SLC36A2: variants seen among roughly 807,000 people sequenced by gnomAD.
The protein encoded by SLC36A2 is proton-coupled amino acid transporter 2.
In SLC36A2, 39 loss-of-function variants were observed where a neutral mutation model predicts 42.7. The observed-to-expected ratio is 0.91, with a 90% CI of 0.71 to 1.19. The LOEUF (loss-of-function observed/expected upper bound fraction) is 1.19, where lower values mean the gene tolerates loss of function less well. SLC36A2 is among the 50% of genes most tolerant of loss of function. The pLI, the probability that SLC36A2 is intolerant of heterozygous loss-of-function variation, is 0.00. For synonymous variants in SLC36A2, 237 were observed against 240.8 expected (o/e 0.98, Z 0.15); for missense variants, 590 against 613.7 (o/e 0.96, Z 0.41).
At chr5:151,334,975 CTT>C (rs1348165043) in intron 6 of SLC36A2, among the ~76,000 whole-genome samples, 1 of 151,852 alleles carries the variant, frequency 6.6e-6, no homozygotes, top group African/African-American at 2.4e-5. Context: ...AACGCAATAA[CTT>C]TTAGCTGTAG....
intron 5 of SLC36A2, among the ~76,000 whole-genome samples, chr5:151,336,452 C>T (rs1270707102): frequency 1.4e-5 from 2 of 147,758 alleles, no homozygotes; most frequent in Non-Finnish European, 3.0e-5. Flanking sequence ...GCTTAAATTC[C>T]CTCAATCTTT....
intron 8 of SLC36A2, among the ~76,000 whole-genome samples, chr5:151,322,864 T>C (rs1755736307): frequency 6.6e-6 from 1 of 152,082 alleles, no homozygotes; most frequent in African/African-American, 2.4e-5. Flanking sequence ...TCTATCTAAG[T>C]TTTTTTTCTA....
chr5:151,320,765 C>CA (rs1554097288), intron 9 of SLC36A2, among the ~76,000 whole-genome samples: 1 of 152,184 alleles, frequency 6.6e-6, no homozygotes, highest in Non-Finnish European at 1.5e-5. Flanking sequence ...ATAGTAGCCC[C>CA]ACCAAAAAAT....
intron 7 of SLC36A2, among the ~76,000 whole-genome samples, chr5:151,329,046 C>CA (rs1755924572): frequency 6.6e-6 from 1 of 152,154 alleles, no homozygotes; most frequent in Admixed American, 6.6e-5. Flanking sequence ...CGGGAAAACA[C>CA]AGAGAAGAGG....
chr5:151,344,289 T>A, intron 1 of SLC36A2, 22 bp from the exon 2 acceptor site: 1 of 1,594,110 alleles, frequency 6.3e-7, no homozygotes, highest in Non-Finnish European at 8.6e-7. Context: ...GAAGGAGATG[T>A]GAAGTATGGG....
At chr5:151,342,053 T>C (rs1223553687) in intron 4 of SLC36A2, among the ~76,000 whole-genome samples, 1 of 152,182 alleles carries the variant, frequency 6.6e-6, no homozygotes, top group Non-Finnish European at 1.5e-5. Context: ...TTACAATCTA[T>C]TCTCCTTAGA....
chr5:151,337,053 A>G (rs1008587062), intron 5 of SLC36A2, among the ~76,000 whole-genome samples: 3 of 152,174 alleles, frequency 2.0e-5, no homozygotes, highest in African/African-American at 7.2e-5. Context: ...TAAATGAATC[A>G]TTTAAGTATT....
At chr5:151,336,619 T>C (rs1384015816) in intron 5 of SLC36A2, among the ~76,000 whole-genome samples, 2 of 152,078 alleles carry the variant, frequency 1.3e-5, no homozygotes, top group Non-Finnish European at 2.9e-5. Context: ...GCAGAACATT[T>C]AGTAGCCCTG....
chr5:151,324,372 G>C lies in SLC36A2; in HGVS notation c.1010+914C>G, dbSNP rs541119097. Reference sequence around the variant, plus strand: ...TTTGAGATGGAGTTTCACTCTTGTTGCCCAGGCTGGAGTTCAATGGCACCA... The same window carrying C: ...TTTGAGATGGAGTTTCACTCTTGTTCCCCAGGCTGGAGTTCAATGGCACCA... On this transcript the variant is annotated intron_variant, in intron 8 of 9. Transcript: ENST00000335244. Among the ~76,000 whole-genome samples, 29 of 151,440 alleles carry C rather than the reference G, an allele frequency of 1.9e-4. No individual in the cohort carries two copies. The South Asian group carries it at 5.9e-3, about 31-fold the overall frequency.
chr5:151,344,341 A>G, intron 1 of SLC36A2, 74 bp from the exon 2 acceptor site: 1 of 1,280,060 alleles, frequency 7.8e-7, no homozygotes, highest in Non-Finnish European at 1.1e-6. Flanking sequence ...CCCTTGCAGC[A>G]TGCCAGCACC....
rs1045360575 is a variant in SLC36A2, at chr5:151,343,715, A to G, written c.256-117T>C. 9.9e-6 allele frequency: 9 copies of G among 909,904 alleles called. No homozygotes were observed. The African/African-American group carries it at 1.5e-4, about 15-fold the overall frequency. 56.4% of individuals were successfully genotyped at this position (909,904 alleles called of 1,614,324 possible). ...TGCAGAACTCAAAGAACTCTCTAGC[A>G]AACTGGGTTTAAAGCCCTTTTGTAG... On this transcript the variant is annotated intron_variant, in intron 2 of 9. Coordinates refer to ENST00000335244, the MANE Select transcript of SLC36A2 (RefSeq NM_181776.3).
intron 4 of SLC36A2, among the ~76,000 whole-genome samples, chr5:151,341,181 A>G (rs1187464830): frequency 2.0e-5 from 3 of 152,170 alleles, no homozygotes; most frequent in Non-Finnish European, 2.9e-5. Context: ...ATGAAAGAAG[A>G]TCCCTAAATG....
intron 2 of SLC36A2, 132 bp downstream of exon 2, chr5:151,344,045 T>C: frequency 1.2e-6 from 1 of 836,262 alleles, no homozygotes; most frequent in Non-Finnish European, 2.0e-6. Context: ...GCTAGATGTC[T>C]AGACCCTAAC....
At position 151,335,480 on chromosome 5, in the gene SLC36A2, G is replaced by A. The variant is rs747673214; in HGVS notation, c.593C>T (p.Thr198Ile). 2 of 1,614,152 alleles carry A rather than the reference G, an allele frequency of 1.2e-6. No homozygotes were observed. The highest frequency in any genetic ancestry group is 2.2e-5 in the South Asian group (2 of 91,070). Residue 198 changes from threonine to isoleucine, a missense_variant, in exon 6 of 10, where the codon ACC becomes ATC. Physicochemically the swap from Thr to Ile is moderately conservative, Grantham distance 89. Coordinates refer to ENST00000335244, the MANE Select transcript of SLC36A2 (RefSeq NM_181776.3). ...YSNETVILTP[T>I]MDSRLYMLSF... ...GAGCATGTAGAGTCGCGAGTCCATG[G>A]TGGGGGTCAGAATCACCGTCTCATT...
rs751934235 is a variant in SLC36A2, at chr5:151,316,955, G to T, written c.1314C>A (p.Pro438=). Residue 438 remains proline (P), a synonymous_variant, in exon 10 of 10, where the codon CCC becomes CCA. Coordinates refer to ENST00000335244, the MANE Select transcript of SLC36A2 (RefSeq NM_181776.3). ...TCAGGGCGTCCTTGAAGATGGTGAG[G>T]GGGCTCATGCCCTCTGAGTAGAACG... ...VTTFYSEGMS[P]LTIFKDALIS... 1.6e-5 allele frequency: 26 copies of T among 1,613,894 alleles called. No individual in the cohort carries two copies. The Admixed American group carries it at 4.2e-4, about 26-fold the overall frequency.
In SLC36A2 at chr5:151,342,874, C is replaced by G. The variant is rs114785206; in HGVS notation, c.440+14G>C. Reference sequence around the variant, plus strand: ...GTGTCCTACCCCACTGCAGGCAAAGCAAGAACAGGTTACCTTCCCCAGTGA... The same window carrying G: ...GTGTCCTACCCCACTGCAGGCAAAGGAAGAACAGGTTACCTTCCCCAGTGA... On this transcript the variant is annotated intron_variant, in intron 4 of 9. Coordinates refer to ENST00000335244, the MANE Select transcript of SLC36A2 (RefSeq NM_181776.3). 1 of 1,612,656 alleles carries G rather than the reference C, an allele frequency of 6.2e-7. No homozygotes were observed. Among genetic ancestry groups the G allele is most frequent in the Admixed American group, 1.7e-5 (1 of 59,982 alleles).
At chr5:151,340,593 A>T (rs531493759) in intron 4 of SLC36A2, among the ~76,000 whole-genome samples, 1 of 152,372 alleles carries the variant, frequency 6.6e-6, no homozygotes, top group East Asian at 1.9e-4. Context: ...CTAGAAAGGT[A>T]GGAGGGAAAC....
intron 5 of SLC36A2, chr5:151,338,826 T>C (rs2127296395): frequency 2.4e-6 from 1 of 416,018 alleles, no homozygotes; most frequent in Non-Finnish European, 4.6e-6. Context: ...TCCAGTTCAG[T>C]AGAGATCAAC....
chr5:151,326,180 C>G (rs1381308196), intron 7 of SLC36A2, among the ~76,000 whole-genome samples: 1 of 152,134 alleles, frequency 6.6e-6, no homozygotes, highest in Non-Finnish European at 1.5e-5. Context: ...TTATCCAGAC[C>G]AAAGATCTCA....
Sources: allele counts gnomAD v4.1 joint callset (sites outside exome capture counted in the v4.1 genomes callset), GRCh38; gene constraint gnomAD v4.1.1; transcripts MANE v1.5; gene names NCBI Gene and HGNC (gene_info 2026-07-23, HGNC 2026-07-21).